KIAA1328: variants seen among roughly 807,000 people sequenced by gnomAD.
The protein encoded by KIAA1328 is protein hinderin.
A neutral mutation model predicts 68.1 loss-of-function variants in KIAA1328; 52 were observed. That is an observed-to-expected ratio of 0.76 (90% confidence interval 0.61 to 0.96). The LOEUF (loss-of-function observed/expected upper bound fraction) is 0.96. KIAA1328 is among the 40% of genes least tolerant of loss of function. KIAA1328 has a pLI of 0.00. For missense variants in KIAA1328, 641 were observed against 677.6 expected, an observed-to-expected ratio of 0.95 and a Z score of 0.60; for synonymous variants, 232 against 239.4, an observed-to-expected ratio of 0.97 and a Z score of 0.28.
intron 4 of KIAA1328, among the ~76,000 whole-genome samples, chr18:36,874,438 G>A (rs1439478710): frequency 1.3e-5 from 2 of 152,148 alleles, no homozygotes; most frequent in East Asian, 3.8e-4. Context: ...ATGACCAGTG[G>A]TGATGAGCTT....
intron 7 of KIAA1328, among the ~76,000 whole-genome samples, chr18:37,106,673 A>C (rs569531383): frequency 6.6e-6 from 1 of 152,180 alleles, no homozygotes; most frequent in East Asian, 1.9e-4. Flanking sequence ...TGGCCTCCCA[A>C]AGTTCTGGGA....
At chr18:36,929,149 T>C (rs1352636003) in intron 5 of KIAA1328, among the ~76,000 whole-genome samples, 1 of 152,228 alleles carries the variant, frequency 6.6e-6, no homozygotes, top group African/African-American at 2.4e-5. Context: ...TCCCTTTAGC[T>C]AATTCCAGTG....
At chr18:37,110,051 TAAA>T (rs562438432) in intron 7 of KIAA1328, among the ~76,000 whole-genome samples, 2 of 142,462 alleles carry the variant, frequency 1.4e-5, no homozygotes, top group Admixed American at 7.1e-5. Context: ...GTCAGCTGGT[TAAA>T]AAAAAAAAAA....
intron 4 of KIAA1328, 136 bp from the exon 5 acceptor site, chr18:36,885,421 A>G (rs186973773): frequency 2.9e-4 from 137 of 473,592 alleles, no homozygotes; most frequent in Middle Eastern, 2.8e-3. Context: ...TTAAAAAGCA[A>G]CAACAAAACA....
At chr18:36,885,391 C>T (rs181978390) in intron 4 of KIAA1328, among the ~76,000 whole-genome samples, 166 bp from the exon 5 acceptor site, 296 of 152,116 alleles carry the variant, frequency 1.9e-3, no homozygotes, top group Non-Finnish European at 3.2e-3. Context: ...AAAAGATTGC[C>T]TTATGAGAGA....
chr18:37,058,379 C>T (rs576502049), intron 6 of KIAA1328, among the ~76,000 whole-genome samples: 1 of 152,210 alleles, frequency 6.6e-6, no homozygotes, highest in East Asian at 1.9e-4. Flanking sequence ...AAGCCAGACA[C>T]AAAAGAATAT....
chr18:37,017,153 G>A (rs2054181477), intron 6 of KIAA1328, among the ~76,000 whole-genome samples: 1 of 151,950 alleles, frequency 6.6e-6, no homozygotes, highest in African/African-American at 2.4e-5. Context: ...AGATGTTTTG[G>A]TATGTCTCCT....
intron 7 of KIAA1328, among the ~76,000 whole-genome samples, chr18:37,130,568 A>G (rs1253557760): frequency 6.6e-6 from 1 of 152,132 alleles, no homozygotes; most frequent in Non-Finnish European, 1.5e-5. Context: ...CAGTGAGCCA[A>G]GATTGCTCCA....
intron 9 of KIAA1328, among the ~76,000 whole-genome samples, chr18:37,208,238 A>G (rs1252022325): frequency 6.6e-6 from 1 of 152,162 alleles, no homozygotes; most frequent in African/African-American, 2.4e-5. Context: ...AGATAGTAGG[A>G]ATGGCTGAAA....
chr18:36,966,822 C>T (rs959796867), intron 6 of KIAA1328, among the ~76,000 whole-genome samples: 4 of 152,162 alleles, frequency 2.6e-5, no homozygotes, highest in African/African-American at 9.7e-5. Context: ...ATGGATTGGC[C>T]GTTTTTCCCA....
chr18:37,154,521 G>A (rs323284), intron 7 of KIAA1328, among the ~76,000 whole-genome samples: 1 of 151,998 alleles, frequency 6.6e-6, no homozygotes, highest in East Asian at 1.9e-4. Flanking sequence ...CTAGGACCTT[G>A]ACGTCCCACT....
At chr18:36,852,424 GCAAACTGA>G (rs1166912229) in intron 4 of KIAA1328, among the ~76,000 whole-genome samples, 1 of 152,274 alleles carries the variant, frequency 6.6e-6, no homozygotes, top group African/African-American at 2.4e-5. Context: ...CAGAATGTTA[GCAAACTGA>G]CAAACTGCGT....
intron 7 of KIAA1328, among the ~76,000 whole-genome samples, chr18:37,090,175 C>T (rs1358305098): frequency 1.3e-5 from 2 of 152,170 alleles, no homozygotes; most frequent in Non-Finnish European, 2.9e-5. Context: ...AAAAAGTTTT[C>T]ACTTTCTCAT....
At chr18:37,191,009 G>A (rs1402427610) in intron 9 of KIAA1328, among the ~76,000 whole-genome samples, 1 of 152,158 alleles carries the variant, frequency 6.6e-6, no homozygotes, top group Non-Finnish European at 1.5e-5. Flanking sequence ...CCCAATCTTG[G>A]TAATGGTCCA....
chr18:36,937,288 A>G (rs980255064), intron 5 of KIAA1328, among the ~76,000 whole-genome samples: 2 of 152,226 alleles, frequency 1.3e-5, no homozygotes, highest in Non-Finnish European at 2.9e-5. Flanking sequence ...ACCATTCAGG[A>G]CATAGGCACG....
At chr18:37,068,875 C>G (rs1391720516) in intron 7 of KIAA1328, among the ~76,000 whole-genome samples, 1 of 152,100 alleles carries the variant, frequency 6.6e-6, no homozygotes, top group Non-Finnish European at 1.5e-5. Context: ...CCTCAGCCTC[C>G]CAAAGTGCTG....
chr18:36,900,053 C>T (rs17567674), intron 5 of KIAA1328, among the ~76,000 whole-genome samples: 20,616 of 151,770 alleles, frequency 0.14, 1,745 homozygotes, highest in Admixed American at 0.18. Context: ...GGAATGAAAT[C>T]ATCTATCATC....
chr18:36,879,830 G>T (rs1371770583), intron 4 of KIAA1328, among the ~76,000 whole-genome samples: 1 of 152,192 alleles, frequency 6.6e-6, no homozygotes, highest in African/African-American at 2.4e-5. Context: ...TTTACACTCT[G>T]AGGAGAAAAT....
chr18:37,111,627 A>T (rs530567518), intron 7 of KIAA1328, among the ~76,000 whole-genome samples: 1 of 152,324 alleles, frequency 6.6e-6, no homozygotes, highest in East Asian at 1.9e-4. Flanking sequence ...AAGACAGGTG[A>T]TTTCTGCATT....
Sources: allele counts gnomAD v4.1 joint callset (sites outside exome capture counted in the v4.1 genomes callset), GRCh38; gene constraint gnomAD v4.1.1; transcripts MANE v1.5; gene names NCBI Gene and HGNC (gene_info 2026-07-23, HGNC 2026-07-21).